The following TRIP10 variants were observed in gnomAD, a reference collection of about 807,000 sequenced individuals.
The protein encoded by TRIP10 is cdc42-interacting protein 4.
A neutral mutation model predicts 80.9 loss-of-function variants in TRIP10; 54 were observed. That is an observed-to-expected ratio of 0.67 (90% CI 0.54 to 0.84). TRIP10 has a LOEUF of 0.84. Among genes scored for constraint, TRIP10 ranks in the 40% least tolerant of loss-of-function variants. The pLI, the probability that TRIP10 is intolerant of heterozygous loss-of-function variation, is 0.00. For missense variants in TRIP10, 773 were observed against 815.3 expected (o/e 0.95, Z 0.63); for synonymous variants, 321 against 307.2 (o/e 1.04, Z -0.47).
intron 1 of TRIP10, among the ~76,000 whole-genome samples, chr19:6,740,300 C>T (rs1027993148): frequency 2.0e-5 from 3 of 152,194 alleles, no homozygotes; most frequent in Non-Finnish European, 4.4e-5. Flanking sequence ...GGCCTGATCC[C>T]CCTCCCTGGC....
chr19:6,745,979 A>AGGGGGGGGGGG lies in TRIP10; in HGVS notation c.985-50_985-49insGGGGGGGGGGG. Reference sequence around the variant, plus strand: ...TCGTCCTCACTCTCTACATCCTCCTATGCCCCCCCACCCCTTCAACCTATC... The same window carrying AGGGGGGGGGGG: ...TCGTCCTCACTCTCTACATCCTCCTAGGGGGGGGGGGTGCCCCCCCACCCCTTCAACCTATC... On this transcript the variant is annotated intron_variant, in intron 9 of 14. Coordinates refer to ENST00000313244, the MANE Select transcript of TRIP10 (RefSeq NM_001288962.2). The surrounding 1 kb of genome is among the most constrained non-coding windows in gnomAD (Gnocchi z 7.2). 1 of 978,982 alleles carries AGGGGGGGGGGG rather than the reference A, an allele frequency of 1.0e-6. No individual in the cohort carries two copies. Among genetic ancestry groups the AGGGGGGGGGGG allele is most frequent in the Non-Finnish European group, 1.3e-6 (1 of 758,708 alleles). The allele number at this position is 978,982 out of a possible 1,614,324, so 60.6% of individuals were successfully genotyped here. A position where few individuals can be genotyped will look rare whatever the true frequency, so the allele number is the denominator to read the frequency against.
At position 6,746,191 on chromosome 19, in the gene TRIP10, C is replaced by T. The variant is rs766802760; in HGVS notation, c.1147C>T (p.Arg383Cys). 241 of 1,533,174 alleles carry T rather than the reference C, an allele frequency of 1.6e-4. No individual in the cohort carries two copies. Among genetic ancestry groups the T allele is most frequent in the African/African-American group, 3.0e-4 (22 of 72,580 alleles). The allele number at this position is 1,533,174 out of a possible 1,614,324, so 95.0% of individuals were successfully genotyped here. A position where few individuals can be genotyped will look rare whatever the true frequency, so the allele number is the denominator to read the frequency against. The change falls in exon 10 of 15, where the codon CGT becomes TGT. Residue 383 changes from arginine (R) to cysteine (C), a missense_variant. Coordinates refer to ENST00000313244, the MANE Select transcript of TRIP10 (RefSeq NM_001288962.2). The surrounding 1 kb of genome is among the most constrained non-coding windows in gnomAD (Gnocchi z 6.2). The stretch of plus-strand genomic sequence containing the variant: ...ATCCTTCCGCAGCCTTCGAGGCAGC[C>T]GTGGGGTAAGTGAGGCCTCGGGGCA... ...LASFRSLRGS[R>C]GTVVTEDFSH...
chr19:6,740,884 G>C (rs775043824), intron 1 of TRIP10, 126 bp from the exon 2 acceptor site: 16 of 779,716 alleles, frequency 2.1e-5, no homozygotes, highest in Non-Finnish European at 3.0e-5. Context: ...GGGCGGCGCC[G>C]GGAAGCCACT....
chr19:6,741,356 G>A, intron 3 of TRIP10, 75 bp downstream of exon 3: 2 of 1,509,612 alleles, frequency 1.3e-6, no homozygotes, highest in Non-Finnish European at 1.8e-6. Flanking sequence ...CCCTCCCTCA[G>A]CTGGGACACC....
At chr19:6,742,586 G>A (rs975512942) in intron 3 of TRIP10, among the ~76,000 whole-genome samples, 20 of 151,926 alleles carry the variant, frequency 1.3e-4, no homozygotes, top group Non-Finnish European at 1.9e-4. Flanking sequence ...GGGAAGATGC[G>A]GAGTTCGGGG....
rs1249059818 is a variant in TRIP10 at position 6,751,262 on chromosome 19, A to G, written c.*51A>G. ...GGCTGTCGGCTGCTGCTTCTGGGCC[A>G]CGGGGAGCCCCAGGACCTATGCACT... is the stretch of plus-strand genomic sequence containing the variant. On this transcript the variant is annotated 3_prime_UTR_variant, in exon 15 of 15. Transcript: ENST00000313244. The G allele has an allele frequency of 6.2e-7, 1 of 1,612,656 alleles. No individual in the cohort carries two copies. Among genetic ancestry groups the G allele is most frequent in the Non-Finnish European group, 8.5e-7 (1 of 1,179,630 alleles).
In TRIP10 at chr19:6,751,058, C is replaced by T. The variant is rs776429253; in HGVS notation, c.1658-5C>T. On this transcript the variant is annotated splice_polypyrimidine_tract_variant and splice_region_variant and intron_variant, in intron 14 of 14. Transcript: ENST00000313244. ...GATCTGGGCCCACCCCCACCCCCAT[C>T]ACAGGGTCCAGCGAGGGCACTATCT... The T allele has an allele frequency of 5.2e-6, 8 of 1,533,558 alleles. No individual in the cohort carries two copies. Among genetic ancestry groups the T allele is most frequent in the Non-Finnish European group, 6.2e-6 (7 of 1,138,170 alleles). 95.0% of individuals were successfully genotyped at this position (1,533,558 alleles called of 1,614,324 possible).
At chr19:6,749,465 CTG>C (rs1190719747) in intron 11 of TRIP10, among the ~76,000 whole-genome samples, 1 of 152,158 alleles carries the variant, frequency 6.6e-6, no homozygotes, top group Non-Finnish European at 1.5e-5. Context: ...AATATTCAAA[CTG>C]AGATTCGAAC....
Position 6,739,738 on chromosome 19 carries a change from T to A in TRIP10, c.-24T>A, listed in dbSNP as rs747997121. ...GGCGGGGACCGGGTGCGGTGGTGGC[T>A]GCGGCGGCGGCGGCGGGAGCAGCAT... On this transcript the variant is annotated 5_prime_UTR_variant, in exon 1 of 15. Transcript: ENST00000313244. The A allele has an allele frequency of 2.2e-6, 3 of 1,348,772 alleles. No homozygotes were observed. The South Asian group carries it at 5.9e-5, about 27-fold the overall frequency. 83.6% of individuals were successfully genotyped at this position (1,348,772 alleles called of 1,614,324 possible).
rs199975595 is a variant in TRIP10, at chr19:6,741,024, G to C, written c.39G>C (p.Val13=). The C allele has an allele frequency of 6.2e-7, 1 of 1,613,740 alleles. No homozygotes were observed. Among genetic ancestry groups the C allele is most frequent in the Non-Finnish European group, 8.5e-7 (1 of 1,179,816 alleles). ...WGTELWDQFE[V]LERHTQWGLD... ...TCCCATGTCAGGATCAGTTCGAGGT[G>C]CTCGAGCGCCACACGCAGTGGGGGC... Residue 13 remains valine, a synonymous_variant, in exon 2 of 15, where the codon GTG becomes GTC. Transcript: ENST00000313244.
At chr19:6,750,807 C>T (rs535344681) in intron 14 of TRIP10, among the ~76,000 whole-genome samples, 174 bp downstream of exon 14, 7 of 152,080 alleles carry the variant, frequency 4.6e-5, no homozygotes, top group Non-Finnish European at 7.4e-5. Flanking sequence ...ACCAGCCTGG[C>T]GAACACGGTG....
At position 6,746,264 on chromosome 19, in the gene TRIP10, T is replaced by C. The variant is rs1599565172; in HGVS notation, c.1152+68T>C. On this transcript the variant is annotated intron_variant, in intron 10 of 14. Coordinates refer to ENST00000313244, the MANE Select transcript of TRIP10 (RefSeq NM_001288962.2). This position sits in a 1 kb window ranked among gnomAD's most constrained non-coding sequence, Gnocchi z 6.2. ...TGCCCAGCGGCGGGTGGCGGGACCC[T>C]GGGCTCGCTTCCTGCCGCTGGCTGG... is the stretch of plus-strand genomic sequence containing the variant. 1 of 1,482,514 alleles carries C rather than the reference T, an allele frequency of 6.7e-7. No individual in the cohort carries two copies. Among genetic ancestry groups the C allele is most frequent in the Non-Finnish European group, 9.0e-7 (1 of 1,110,492 alleles). 91.8% of individuals were successfully genotyped at this position (1,482,514 alleles called of 1,614,324 possible).
At chr19:6,740,157 G>C (rs1162812818) in intron 1 of TRIP10, among the ~76,000 whole-genome samples, 1 of 152,178 alleles carries the variant, frequency 6.6e-6, no homozygotes, top group Non-Finnish European at 1.5e-5. Flanking sequence ...GGCTAGGAGG[G>C]GGGAGGGGAC....
rs1734001134 is a variant in TRIP10, at chr19:6,742,825, A to T, written c.198-142A>T. 3 of 1,176,728 alleles carry T rather than the reference A, an allele frequency of 2.5e-6. No homozygotes were observed. In the Admixed American group the frequency reaches 7.5e-5, roughly 29 times the overall value. The allele number at this position is 1,176,728 out of a possible 1,614,324, so 72.9% of individuals were successfully genotyped here. ...TCTACTCAAGGGTTGGGGTTAAGGAATATGGACCAGAATTTGTCATCGCTT... is the reference window on the plus strand; with the variant it reads ...TCTACTCAAGGGTTGGGGTTAAGGATTATGGACCAGAATTTGTCATCGCTT... On this transcript the variant is annotated intron_variant, in intron 3 of 14. Coordinates refer to ENST00000313244, the MANE Select transcript of TRIP10 (RefSeq NM_001288962.2).
At chr19:6,750,736 T>C in intron 14 of TRIP10, 103 bp downstream of exon 14, 2 of 1,506,584 alleles carry the variant, frequency 1.3e-6, no homozygotes, top group East Asian at 2.3e-5. Flanking sequence ...TGGCTCAGGC[T>C]TGTAATCCCA....
Position 6,744,495 on chromosome 19 carries a change from A to G in TRIP10, c.643-59A>G. The G allele has an allele frequency of 2.5e-6, 4 of 1,605,726 alleles. No homozygotes were observed. Among genetic ancestry groups the G allele is most frequent in the Non-Finnish European group, 3.4e-6 (4 of 1,176,692 alleles). ...CGCGATCATATTTGCAGAGTGAATC[A>G]CTGTGCTTCTAGTCCCTCTGTTAGC... is the stretch of plus-strand genomic sequence containing the variant. On this transcript the variant is annotated intron_variant, in intron 7 of 14. Transcript: ENST00000313244. This position sits in a 1 kb window ranked among gnomAD's most constrained non-coding sequence, Gnocchi z 4.9.
In TRIP10 at chr19:6,745,020, T is replaced by TG; in HGVS notation, c.984+31dup. 6.2e-7 allele frequency: 1 copy of TG among 1,606,590 alleles called. No individual in the cohort carries two copies. The highest frequency in any genetic ancestry group is 1.1e-5 in the South Asian group (1 of 90,190). On this transcript the variant is annotated intron_variant, in intron 9 of 14. Transcript: ENST00000313244. The surrounding 1 kb of genome is among the most constrained non-coding windows in gnomAD (Gnocchi z 7.2). Reference sequence around the variant, plus strand: ...GTGGGGGCCGGGACCCTTGGGATGGTGGGGGAGAAGGACAGTGAAGTGGGG... The same window carrying TG: ...GTGGGGGCCGGGACCCTTGGGATGGTGGGGGGAGAAGGACAGTGAAGTGGGG...
At position 6,743,185 on chromosome 19, in the gene TRIP10, T is replaced by G; in HGVS notation, c.346-9T>G. On this transcript the variant is annotated splice_polypyrimidine_tract_variant and intron_variant, in intron 4 of 14. Transcript: ENST00000313244. Reference sequence around the variant, plus strand: ...ACCCTGGCGAGCCTTATCACTCTTCTTTCTGTAGCACTTCCAAGAAGGGCG... The same window carrying G: ...ACCCTGGCGAGCCTTATCACTCTTCGTTCTGTAGCACTTCCAAGAAGGGCG... 1 of 1,614,184 alleles carries G rather than the reference T, an allele frequency of 6.2e-7. No individual in the cohort carries two copies. The highest frequency in any genetic ancestry group is 8.5e-7 in the Non-Finnish European group (1 of 1,180,014).
At position 6,750,625 on chromosome 19, in the gene TRIP10, A is replaced by G; in HGVS notation, c.1649A>G (p.His550Arg). The G allele has an allele frequency of 6.2e-7, 1 of 1,613,940 alleles. No homozygotes were observed. Among genetic ancestry groups the G allele is most frequent in the African/African-American group, 1.3e-5 (1 of 74,992 alleles). The part of the protein sequence containing the change: ...SPIGHCVAIY[H>R]FEGSSEGTIS... ...ATAGGTCACTGTGTGGCCATCTACC[A>G]CTTTGAAGGTGAGAACGGCCAGAGT... The change falls in exon 14 of 15, where the codon CAC (histidine) becomes CGC (arginine). Residue 550 changes from histidine to arginine, a missense_variant. By Grantham distance (29) the His-to-Arg change is conservative. Transcript: ENST00000313244.
Sources: allele counts gnomAD v4.1 joint callset (sites outside exome capture counted in the v4.1 genomes callset), GRCh38; gene constraint gnomAD v4.1.1; non-coding constraint Gnocchi (gnomAD v3.1); transcripts MANE v1.5; gene names NCBI Gene and HGNC (gene_info 2026-07-23, HGNC 2026-07-21).